The following NECAB3 variants were observed in gnomAD, a reference collection of about 807,000 sequenced individuals.
NECAB3 encodes the protein N-terminal EF-hand calcium-binding protein 3.
In NECAB3, 38 loss-of-function variants were observed where a neutral mutation model predicts 57.2. That is an observed-to-expected ratio of 0.66 (90% CI 0.51 to 0.87). The LOEUF (loss-of-function observed/expected upper bound fraction) is 0.87. NECAB3 is among the 40% of genes least tolerant of loss of function. The probability of loss-of-function intolerance (pLI) is 0.00; values close to 1 mark genes in which losing one functional copy is unlikely to be tolerated. For synonymous variants in NECAB3, 223 were observed against 222.6 expected, an observed-to-expected ratio of 1.00 and a Z score of -0.02; for missense variants, 474 against 527.5, an observed-to-expected ratio of 0.90 and a Z score of 0.99.
In NECAB3 at chr20:33,668,259, G is replaced by A. The variant is rs146396955; in HGVS notation, c.387+1116C>T. On this transcript the variant is annotated intron_variant, in intron 5 of 11. Transcript: ENST00000246190. ...GAGTCAGGCTGGACTGGGGGGGGTG[G>A]CACTGCGTTGGGGGACAGCTCTCTA... is the stretch of plus-strand genomic sequence containing the variant. The A allele has an allele frequency of 8.0e-5, 125 of 1,554,954 alleles. No individual in the cohort carries two copies. The African/African-American group carries it at 1.2e-3, about 15-fold the overall frequency.
At chr20:33,659,781 C>T (rs1178400030) in intron 7 of NECAB3, 49 bp from the exon 8 acceptor site, 2 of 1,536,404 alleles carry the variant, frequency 1.3e-6, no homozygotes, top group East Asian at 4.9e-5. Context: ...TCAGGTCCCG[C>T]AGGTGCTCAG....
rs6059404 is a variant in NECAB3 at position 33,658,703 on chromosome 20, C to T, written c.992+19G>A. The T allele has an allele frequency of 4.3e-6, 7 of 1,611,152 alleles. No homozygotes were observed. The East Asian group carries it at 1.3e-4, about 31-fold the overall frequency. On this transcript the variant is annotated intron_variant, in intron 9 of 11. Coordinates refer to ENST00000246190, the MANE Select transcript of NECAB3 (RefSeq NM_031232.4). Reference sequence around the variant, plus strand: ...ACCCCCTCCCCACTGGCCATCCCACCTGCCAGCTGGGGACTCACTGCAGAC... The same window carrying T: ...ACCCCCTCCCCACTGGCCATCCCACTTGCCAGCTGGGGACTCACTGCAGAC...
rs1452377513 is a variant in NECAB3, at chr20:33,658,815, C to G, written c.899G>C (p.Arg300Thr). The change falls in exon 9 of 12, where the codon AGG (arginine) becomes ACG (threonine). Residue 300 changes from arginine to threonine, a missense_variant. Physicochemically the swap from Arg to Thr is moderately conservative, Grantham distance 71. Coordinates refer to ENST00000246190, the MANE Select transcript of NECAB3 (RefSeq NM_031232.4). Reference protein sequence around the residue: ...GPDLHILMAQRQVQVAEEGLQ... With the variant: ...GPDLHILMAQTQVQVAEEGLQ... ...GCCTTCCTCTGCCACCTGGACCTGCCTCTGGGCCATGAGGATGTGCTGGTG... is the reference window on the plus strand; with the variant it reads ...GCCTTCCTCTGCCACCTGGACCTGCGTCTGGGCCATGAGGATGTGCTGGTG... 6.2e-7 allele frequency: 1 copy of G among 1,613,342 alleles called. No homozygotes were observed. The highest frequency in any genetic ancestry group is 8.5e-7 in the Non-Finnish European group (1 of 1,179,912).
intron 5 of NECAB3, chr20:33,667,222 T>G (rs1274686178): frequency 2.7e-6 from 1 of 373,710 alleles, no homozygotes; most frequent in Non-Finnish European, 4.7e-6. Flanking sequence ...GCTGAAGAGC[T>G]CTAGCTTGGT....
chr20:33,664,463 C>A, intron 5 of NECAB3: 1 of 188,790 alleles, frequency 5.3e-6, no homozygotes, highest in East Asian at 1.2e-4. Context: ...AGCATTCAGG[C>A]CCCCCAGTCT....
At chr20:33,663,389 C>T (rs2017542732) in intron 5 of NECAB3, 1 of 887,296 alleles carries the variant, frequency 1.1e-6, no homozygotes, top group Admixed American at 2.9e-5. Context: ...TCCCCTCCAG[C>T]CCTGTGCACG....
At chr20:33,671,503 T>C (rs1221533501) in intron 2 of NECAB3, among the ~76,000 whole-genome samples, 2 of 151,816 alleles carry the variant, frequency 1.3e-5, no homozygotes, top group African/African-American at 2.4e-5. Context: ...CCCATCAATT[T>C]GAAGAGACCC....
intron 5 of NECAB3, chr20:33,662,432 G>T (rs1267835107): frequency 6.4e-7 from 1 of 1,551,776 alleles, no homozygotes; most frequent in South Asian, 1.2e-5. Context: ...AGGCCTGGTG[G>T]AAATCGTTCC....
chr20:33,658,857 A>G, intron 8 of NECAB3, 23 bp from the exon 9 acceptor site: 1 of 1,589,988 alleles, frequency 6.3e-7, no homozygotes, highest in South Asian at 1.1e-5. Flanking sequence ...GCAGCCGGTC[A>G]GCTGGTGCGG....
rs926743726 is a variant in NECAB3, at chr20:33,657,691, C to A, written c.*138G>T. On this transcript the variant is annotated 3_prime_UTR_variant, in exon 12 of 12. Coordinates refer to ENST00000246190, the MANE Select transcript of NECAB3 (RefSeq NM_031232.4). The stretch of plus-strand genomic sequence containing the variant: ...GAAAGCAAGCAGCCCAGTCCCTGAT[C>A]CCTGGGCTGAGAGCCCTTCCACCAG... The A allele has an allele frequency of 2.5e-6, 2 of 807,844 alleles. No homozygotes were observed. The highest frequency in any genetic ancestry group is 3.8e-6 in the Non-Finnish European group (2 of 524,798). 50.0% of individuals were successfully genotyped at this position (807,844 alleles called of 1,614,324 possible).
chr20:33,667,400 G>A (rs1330279630), intron 5 of NECAB3: 1 of 1,391,766 alleles, frequency 7.2e-7, no homozygotes. Context: ...CCAGAGCAGT[G>A]GCCCGTGCTG....
At chr20:33,662,263 C>CGT (rs1181898253) in intron 5 of NECAB3, 1 of 1,511,106 alleles carries the variant, frequency 6.6e-7, no homozygotes, top group Non-Finnish European at 8.9e-7. Context: ...GAGGTCAGCC[C>CGT]GTGAGGTCAC....
chr20:33,667,677 G>A (rs768926120), intron 5 of NECAB3: 20 of 1,611,756 alleles, frequency 1.2e-5, no homozygotes, highest in Non-Finnish European at 1.6e-5. Flanking sequence ...GGGATCTGCT[G>A]GTGGCGGCGA....
At chr20:33,670,931 G>C in intron 2 of NECAB3, 139 bp from the exon 3 acceptor site, 1 of 622,278 alleles carries the variant, frequency 1.6e-6, no homozygotes, top group Non-Finnish European at 2.8e-6. Flanking sequence ...TCTGAGGTCA[G>C]TGGGGGGCCT....
chr20:33,671,129 T>C (rs1027121183), intron 2 of NECAB3, among the ~76,000 whole-genome samples: 1 of 152,152 alleles, frequency 6.6e-6, no homozygotes, highest in African/African-American at 2.4e-5. Context: ...GGCCTAGATG[T>C]CACCTGGAAG....
intron 10 of NECAB3, 117 bp downstream of exon 10, chr20:33,658,360 T>TG: frequency 1.9e-6 from 2 of 1,050,856 alleles, no homozygotes; most frequent in Non-Finnish European, 2.9e-6. Flanking sequence ...CTCGGGCAGG[T>TG]GGGGTCACTC....
chr20:33,658,879 G>T (rs781208012), intron 8 of NECAB3, 45 bp from the exon 9 acceptor site: 2 of 1,432,452 alleles, frequency 1.4e-6, no homozygotes, highest in African/African-American at 2.8e-5. Context: ...GCCGGGCACA[G>T]GGGAGGGACT....
chr20:33,663,945 C>T lies in NECAB3; in HGVS notation c.388-3550G>A, dbSNP rs1209692991. 3.1e-6 allele frequency: 4 copies of T among 1,279,052 alleles called. No individual in the cohort carries two copies. In the Admixed American group the frequency reaches 1.2e-4, roughly 37 times the overall value. 79.2% of individuals were successfully genotyped at this position (1,279,052 alleles called of 1,614,324 possible). A position where few individuals can be genotyped will look rare whatever the true frequency, so the allele number is the denominator to read the frequency against. ...GCGAACCCTGTCGGAGGCGTCTGGGCGCGGAGTCGGGGTGGGCAAAGCTCA... is the reference window on the plus strand; with the variant it reads ...GCGAACCCTGTCGGAGGCGTCTGGGTGCGGAGTCGGGGTGGGCAAAGCTCA... On this transcript the variant is annotated intron_variant, in intron 5 of 11. Coordinates refer to ENST00000246190, the MANE Select transcript of NECAB3 (RefSeq NM_031232.4).
Position 33,660,434 on chromosome 20 carries a change from G to C in NECAB3, c.388-39C>G, listed in dbSNP as rs374273440. ...AGGGACGGTCAGCATCTCCCAGCCC[G>C]GGCACTGATCTCTTGAGTGGGTCCC... On this transcript the variant is annotated intron_variant, in intron 5 of 11. Coordinates refer to ENST00000246190, the MANE Select transcript of NECAB3 (RefSeq NM_031232.4). This position sits in a 1 kb window ranked among gnomAD's most constrained non-coding sequence, Gnocchi z 4.1. 2.2e-5 allele frequency: 35 copies of C among 1,604,334 alleles called. No individual in the cohort carries two copies. The highest frequency in any genetic ancestry group is 2.9e-5 in the Non-Finnish European group (34 of 1,173,710).
Sources: allele counts gnomAD v4.1 joint callset (sites outside exome capture counted in the v4.1 genomes callset), GRCh38; gene constraint gnomAD v4.1.1; non-coding constraint Gnocchi (gnomAD v3.1); transcripts MANE v1.5; gene names NCBI Gene and HGNC (gene_info 2026-07-23, HGNC 2026-07-21).